The following SHISA5 variants were observed in gnomAD, a reference collection of about 807,000 sequenced individuals.
SHISA5 encodes protein shisa-5.
Under a neutral mutation model 27.5 loss-of-function variants are expected in SHISA5, and 21 were observed. The observed-to-expected ratio is 0.76, with a 90% CI of 0.54 to 1.10. SHISA5 has a LOEUF of 1.10. Ranked by LOEUF, SHISA5 falls within the 50% of genes least tolerant of loss-of-function variation. The probability of loss-of-function intolerance (pLI) is 0.00; values close to 1 mark genes in which losing one functional copy is unlikely to be tolerated. For missense variants in SHISA5, 314 were observed against 336.3 expected (o/e 0.93, Z 0.52); for synonymous variants, 137 against 142.2 (o/e 0.96, Z 0.26).
intron 2 of SHISA5, among the ~76,000 whole-genome samples, chr3:48,494,191 T>C (rs2041494667): frequency 6.8e-6 from 1 of 147,446 alleles, no homozygotes. Context: ...ACTCCACATA[T>C]AAGTGAGATG....
intron 2 of SHISA5, among the ~76,000 whole-genome samples, chr3:48,481,074 G>A (rs780358285): frequency 6.6e-6 from 1 of 152,050 alleles, no homozygotes; most frequent in Non-Finnish European, 1.5e-5. Flanking sequence ...CAGCCTGGGC[G>A]ACAAGAGCGA....
chr3:48,484,855 T>C (rs2041145898), intron 2 of SHISA5, among the ~76,000 whole-genome samples: 1 of 151,688 alleles, frequency 6.6e-6, no homozygotes, highest in Non-Finnish European at 1.5e-5. Context: ...ATGGCGCCAC[T>C]GCACTCCAGC....
intron 3 of SHISA5, among the ~76,000 whole-genome samples, chr3:48,478,727 C>A (rs998867338): frequency 6.6e-6 from 1 of 152,156 alleles, no homozygotes; most frequent in Non-Finnish European, 1.5e-5. Flanking sequence ...CTCTCCCCAC[C>A]GTTATCACCC....
chr3:48,481,702 G>A (rs534537350), intron 2 of SHISA5, among the ~76,000 whole-genome samples: 1 of 151,836 alleles, frequency 6.6e-6, no homozygotes, highest in African/African-American at 2.4e-5. Flanking sequence ...CAGGAGAATT[G>A]TTTGAACCTG....
Position 48,469,030 on chromosome 3 carries a change from G to T in SHISA5, c.*77C>A. ...TGGACACACACAGCACACATGGGGC[G>T]TAAGGAACCGCGCCTGCACACCACT... On this transcript the variant is annotated 3_prime_UTR_variant, in exon 6 of 6. Transcript: ENST00000296444. This position sits in a 1 kb window ranked among gnomAD's most constrained non-coding sequence, Gnocchi z 4.6. 1 of 1,604,028 alleles carries T rather than the reference G, an allele frequency of 6.2e-7. No homozygotes were observed. The highest frequency in any genetic ancestry group is 8.5e-7 in the Non-Finnish European group (1 of 1,177,992).
chr3:48,481,323 C>T (rs940830776), intron 2 of SHISA5, among the ~76,000 whole-genome samples: 14 of 151,558 alleles, frequency 9.2e-5, no homozygotes, highest in African/African-American at 3.4e-4. Flanking sequence ...GCCTGTAATC[C>T]CAGCTACTCG....
rs904504032 is a variant in SHISA5 at position 48,493,147 on chromosome 3, G to A, written c.233+7990C>T. Among the ~76,000 whole-genome samples the A allele has an allele frequency of 4.1e-5, 6 of 147,002 alleles. 1 individual carries two copies. The highest frequency in any genetic ancestry group is 4.2e-4 in the South Asian group (2 of 4,752). On this transcript the variant is annotated intron_variant, in intron 2 of 5. Transcript: ENST00000296444. Reference sequence around the variant, plus strand: ...CCAAAATTGCTAAAATTAAACTTTCGGCTGGGTGCAGTGGCTTACACCTGT... The same window carrying A: ...CCAAAATTGCTAAAATTAAACTTTCAGCTGGGTGCAGTGGCTTACACCTGT...
chr3:48,483,819 AC>A (rs1229967838), intron 2 of SHISA5, among the ~76,000 whole-genome samples: 1 of 147,610 alleles, frequency 6.8e-6, no homozygotes, highest in Admixed American at 6.7e-5. Flanking sequence ...CGGGGGGCTG[AC>A]CCCCCCACCT....
chr3:48,503,219 T>C (rs2041806199), intron 1 of SHISA5: 1 of 1,273,460 alleles, frequency 7.9e-7, no homozygotes, highest in African/African-American at 1.5e-5. Flanking sequence ...TGAGGCTGTT[T>C]AGGCTGAGTC....
intron 3 of SHISA5, 54 bp downstream of exon 3, chr3:48,479,123 G>A (rs2107318021): frequency 6.6e-7 from 1 of 1,506,960 alleles, no homozygotes; most frequent in African/African-American, 1.4e-5. Context: ...GCCCCCCTGA[G>A]CCCTCTTGTC....
At position 48,473,888 on chromosome 3, in the gene SHISA5, C is replaced by T. The variant is rs1361043326; in HGVS notation, c.315-4045G>A. On this transcript the variant is annotated intron_variant, in intron 3 of 5. Coordinates refer to ENST00000296444, the MANE Select transcript of SHISA5 (RefSeq NM_016479.6). This position sits in a 1 kb window ranked among gnomAD's most constrained non-coding sequence, Gnocchi z 4.3. ...CCAGCCTGGGCAACATGGCAAAACT[C>T]CTTCTTTACCTACCAAAAAATACAA... 2.0e-5 allele frequency among the ~76,000 whole-genome samples: 3 copies of T among 151,800 alleles called. No homozygotes were observed. Among genetic ancestry groups the T allele is most frequent in the Non-Finnish European group, 4.4e-5 (3 of 67,962 alleles).
intron 2 of SHISA5, among the ~76,000 whole-genome samples, chr3:48,497,887 CA>C (rs58891931): frequency 7.0e-4 from 93 of 132,694 alleles, no homozygotes; most frequent in East Asian, 6.6e-4. Context: ...GAGACTGTCT[CA>C]AAAAAAAAAA....
At position 48,480,007 on chromosome 3, in the gene SHISA5, C is replaced by A. The variant is rs550035251; in HGVS notation, c.234-750G>T. ...CAAGCTCCGCCTCCCGGCTTCACACCGTTCTCCTGCCTCAGCCTCCCGAGT... is the reference window on the plus strand; with the variant it reads ...CAAGCTCCGCCTCCCGGCTTCACACAGTTCTCCTGCCTCAGCCTCCCGAGT... On this transcript the variant is annotated intron_variant, in intron 2 of 5. Coordinates refer to ENST00000296444, the MANE Select transcript of SHISA5 (RefSeq NM_016479.6). Among the ~76,000 whole-genome samples, 13 of 152,088 alleles carry A rather than the reference C, an allele frequency of 8.5e-5. No homozygotes were observed. The South Asian group carries it at 2.5e-3, about 29-fold the overall frequency.
chr3:48,503,980 G>C, intron 1 of SHISA5, 39 bp downstream of exon 1: 1 of 1,455,022 alleles, frequency 6.9e-7, no homozygotes, highest in Middle Eastern at 1.8e-4. Context: ...TGTCTGCCCG[G>C]TCCCAGGGCA....
At chr3:48,472,063 G>C (rs184425935) in intron 3 of SHISA5, among the ~76,000 whole-genome samples, 1 of 151,752 alleles carries the variant, frequency 6.6e-6, no homozygotes, top group Non-Finnish European at 1.5e-5. Flanking sequence ...CAAAACTGTA[G>C]TCCCAGCTAC....
chr3:48,494,697 G>A (rs1307016724), intron 2 of SHISA5, among the ~76,000 whole-genome samples: 1 of 147,478 alleles, frequency 6.8e-6, no homozygotes, highest in African/African-American at 2.7e-5. Flanking sequence ...GCATACTTTG[G>A]CTATTGTGAT....
chr3:48,504,252 AGGAGGAG>A (rs910523353), upstream of SHISA5: 233 of 355,344 alleles, frequency 6.6e-4, no homozygotes, highest in Admixed American at 1.5e-3. The surrounding 1 kb of genome is among the most constrained non-coding windows in gnomAD (Gnocchi z 4.0). Context: ...AGGAGGAGGG[AGGAGGAG>A]GGAGGAGGGA....
rs911661121 is a variant in SHISA5 at position 48,492,566 on chromosome 3, C to T, written c.233+8571G>A. Among the ~76,000 whole-genome samples the T allele has an allele frequency of 3.4e-5, 5 of 148,104 alleles. No individual in the cohort carries two copies. The East Asian group carries it at 9.6e-4, about 29-fold the overall frequency. On this transcript the variant is annotated intron_variant, in intron 2 of 5. Transcript: ENST00000296444. ...CCTTATAAAAAGAGGAAGAGAAATT[C>T]GATTTCTCTCTGCATGCATGCACCA...
Position 48,473,151 on chromosome 3 carries a change from G to A in SHISA5, c.315-3308C>T. 2.1e-6 allele frequency: 3 copies of A among 1,453,582 alleles called. No homozygotes were observed. Among genetic ancestry groups the A allele is most frequent in the Non-Finnish European group, 2.7e-6 (3 of 1,106,168 alleles). 90.0% of individuals were successfully genotyped at this position (1,453,582 alleles called of 1,614,324 possible). A position where few individuals can be genotyped will look rare whatever the true frequency, so the allele number is the denominator to read the frequency against. On this transcript the variant is annotated intron_variant, in intron 3 of 5. Coordinates refer to ENST00000296444, the MANE Select transcript of SHISA5 (RefSeq NM_016479.6). This position sits in a 1 kb window ranked among gnomAD's most constrained non-coding sequence, Gnocchi z 4.3. ...TCTCCTCCAGATGACGTCAGCCACA[G>A]GAAGCACAGACGCGAAGCCCCGTTC...
Sources: gnomAD v4.1 joint callset for allele counts (sites outside exome capture counted in the v4.1 genomes callset) on GRCh38, gnomAD v4.1.1 for gene constraint, Gnocchi (gnomAD v3.1) non-coding constraint, MANE v1.5 for transcripts, NCBI Gene and HGNC (gene_info 2026-07-23, HGNC 2026-07-21) for gene names.